Variants in IQCH observed in about 807,000 individuals in gnomAD.
IQCH encodes the protein IQ domain-containing protein H.
In IQCH, 98 loss-of-function variants were observed where a neutral mutation model predicts 117.0. The observed-to-expected ratio is 0.84, with a 90% CI of 0.71 to 0.99. IQCH has a LOEUF of 0.99. Ranked by LOEUF, IQCH falls within the 50% of genes least tolerant of loss-of-function variation. IQCH has a pLI of 0.00. For synonymous variants in IQCH, 412 were observed against 448.2 expected (o/e 0.92, Z 1.02); for missense variants, 1,102 against 1,243.8 (o/e 0.89, Z 1.72).
chr15:67,274,867 G>A (rs1214282068), intron 3 of IQCH, among the ~76,000 whole-genome samples: 1 of 151,824 alleles, frequency 6.6e-6, no homozygotes, highest in African/African-American at 2.4e-5. Context: ...TCTCCTTTTT[G>A]GCACTAGATG....
chr15:67,379,680 G>A (rs563240744), intron 10 of IQCH, among the ~76,000 whole-genome samples: 15 of 152,190 alleles, frequency 9.9e-5, no homozygotes, highest in Admixed American at 2.6e-4. Flanking sequence ...CACAAGAGCC[G>A]ACAGTTTTAA....
intron 4 of IQCH, among the ~76,000 whole-genome samples, chr15:67,286,843 C>T (rs987271061): frequency 6.6e-6 from 1 of 151,920 alleles, no homozygotes; most frequent in Non-Finnish European, 1.5e-5. Flanking sequence ...AAACTCCTGA[C>T]CTCAAATGAT....
At position 67,481,040 on chromosome 15, in the gene IQCH, A is replaced by AGGC. The variant is rs2083326216; in HGVS notation, c.2799+5222_2799+5223insGGC. Among the ~76,000 whole-genome samples the AGGC allele has an allele frequency of 6.6e-6, 1 of 152,182 alleles. No individual in the cohort carries two copies. The highest frequency in any genetic ancestry group is 2.4e-5 in the African/African-American group (1 of 41,446). On this transcript the variant is annotated intron_variant, in intron 18 of 20. Coordinates refer to ENST00000335894, the MANE Select transcript of IQCH (RefSeq NM_001031715.3). This position sits in a 1 kb window ranked among gnomAD's most constrained non-coding sequence, Gnocchi z 4.1. ...TCAAAAATGAGACTTTTAAAAATTG[A>AGGC]AGAGGCATTTATTTACACAACCAAA...
At position 67,388,718 on chromosome 15, in the gene IQCH, C is replaced by T. The variant is rs1032881617; in HGVS notation, c.1457-113C>T. The stretch of plus-strand genomic sequence containing the variant: ...AAAACCAAACTAAATTAACCTTAAC[C>T]TGGGTTTTGGATATGCTCTTTATTT... On this transcript the variant is annotated intron_variant, in intron 11 of 20. Transcript: ENST00000335894. The surrounding 1 kb of genome is among the most constrained non-coding windows in gnomAD (Gnocchi z 5.5). The T allele has an allele frequency of 5.6e-6, 5 of 889,510 alleles. No homozygotes were observed. The highest frequency in any genetic ancestry group is 1.7e-5 in the African/African-American group (1 of 59,696). The allele number at this position is 889,510 out of a possible 1,614,324, so 55.1% of individuals were successfully genotyped here.
intron 4 of IQCH, among the ~76,000 whole-genome samples, chr15:67,302,656 A>T (rs1375568236): frequency 6.6e-6 from 1 of 152,214 alleles, no homozygotes; most frequent in East Asian, 1.9e-4. Context: ...CAGGAGTTCG[A>T]GACCAGCCTG....
At position 67,425,352 on chromosome 15, in the gene IQCH, G is replaced by A. The variant is rs1192743922; in HGVS notation, c.2505+3775G>A. On this transcript the variant is annotated intron_variant, in intron 16 of 20. Transcript: ENST00000335894. The surrounding 1 kb of genome is among the most constrained non-coding windows in gnomAD (Gnocchi z 5.5). ...TTTCTGGCCAGGTGCGGTGGCTCAC[G>A]CCTGTAATCCCAGCACTTTGGGTGG... Among the ~76,000 whole-genome samples the A allele has an allele frequency of 2.0e-5, 3 of 152,098 alleles. 1 individual carries two copies. Among genetic ancestry groups the A allele is most frequent in the Admixed American group, 2.0e-4 (3 of 15,262 alleles).
chr15:67,266,256 G>A (rs920114911), intron 3 of IQCH, among the ~76,000 whole-genome samples: 1 of 152,006 alleles, frequency 6.6e-6, no homozygotes, highest in South Asian at 2.1e-4. Context: ...TGTATGAATA[G>A]CACAAACCTT....
intron 4 of IQCH, among the ~76,000 whole-genome samples, chr15:67,314,174 C>G (rs1326067118): frequency 6.6e-6 from 1 of 152,082 alleles, no homozygotes; most frequent in Non-Finnish European, 1.5e-5. Flanking sequence ...TACTTCTCAC[C>G]CCTCTCTCCA....
At chr15:67,451,653 C>A (rs1370316875) in intron 16 of IQCH, among the ~76,000 whole-genome samples, 3 of 152,078 alleles carry the variant, frequency 2.0e-5, no homozygotes, top group East Asian at 1.9e-4. Flanking sequence ...ACTGTGTGGT[C>A]AATTTTGGAG....
chr15:67,356,664 T>C lies in IQCH; in HGVS notation c.638-681T>C, dbSNP rs181110598. Among the ~76,000 whole-genome samples the C allele has an allele frequency of 1.3e-3, 202 of 152,338 alleles. No homozygotes were observed. Among genetic ancestry groups the C allele is most frequent in the Admixed American group, 2.4e-3 (37 of 15,294 alleles). The stretch of plus-strand genomic sequence containing the variant: ...TAAATAAATTTTTTGTTCTCTTTCT[T>C]GGGCTGAGTAGTATAAGGATTTTTC... On this transcript the variant is annotated intron_variant, in intron 6 of 20. Transcript: ENST00000335894. This position sits in a 1 kb window ranked among gnomAD's most constrained non-coding sequence, Gnocchi z 5.3.
chr15:67,484,984 T>C (rs1172225112), intron 18 of IQCH, among the ~76,000 whole-genome samples: 1 of 151,968 alleles, frequency 6.6e-6, no homozygotes, highest in African/African-American at 2.4e-5. Flanking sequence ...GTGATTCATA[T>C]ATTGGAGTTA....
At chr15:67,337,189 C>T (rs1327705552) in intron 5 of IQCH, 94 bp downstream of exon 5, 3 of 1,397,932 alleles carry the variant, frequency 2.1e-6, no homozygotes, top group Non-Finnish European at 3.0e-6. Flanking sequence ...TCTGGCTCAG[C>T]CACTAATTCT....
rs960416626 is a variant in IQCH at position 67,426,514 on chromosome 15, T to G, written c.2505+4937T>G. Reference sequence around the variant, plus strand: ...TGTATGCATGTATCAAAATAGCACATGTATGGCCAAAATATATATAACTAT... The same window carrying G: ...TGTATGCATGTATCAAAATAGCACAGGTATGGCCAAAATATATATAACTAT... On this transcript the variant is annotated intron_variant, in intron 16 of 20. Coordinates refer to ENST00000335894, the MANE Select transcript of IQCH (RefSeq NM_001031715.3). The surrounding 1 kb of genome is among the most constrained non-coding windows in gnomAD (Gnocchi z 5.1). 2.0e-5 allele frequency among the ~76,000 whole-genome samples: 3 copies of G among 151,732 alleles called. No homozygotes were observed. The highest frequency in any genetic ancestry group is 4.8e-5 in the African/African-American group (2 of 41,296).
intron 8 of IQCH, among the ~76,000 whole-genome samples, chr15:67,363,343 C>T (rs922353810): frequency 5.3e-5 from 8 of 149,858 alleles, no homozygotes; most frequent in African/African-American, 2.0e-4. Flanking sequence ...TCAAGCGATT[C>T]TCCTGCCTCA....
In IQCH at chr15:67,472,155, T is replaced by C. The variant is rs1281811997; in HGVS notation, c.2677-3541T>C. Among the ~76,000 whole-genome samples, 1 of 152,168 alleles carries C rather than the reference T, an allele frequency of 6.6e-6. No homozygotes were observed. Among genetic ancestry groups the C allele is most frequent in the Non-Finnish European group, 1.5e-5 (1 of 68,028 alleles). ...ACACTTTAATGAAAACACAGAACTT[T>C]ATCCTGCCTTAAAGACTAGAACAGT... On this transcript the variant is annotated intron_variant, in intron 17 of 20. Coordinates refer to ENST00000335894, the MANE Select transcript of IQCH (RefSeq NM_001031715.3). The surrounding 1 kb of genome is among the most constrained non-coding windows in gnomAD (Gnocchi z 4.3).
At chr15:67,259,351 A>G (rs576487494) in intron 1 of IQCH, among the ~76,000 whole-genome samples, 2 of 152,310 alleles carry the variant, frequency 1.3e-5, no homozygotes, top group East Asian at 1.9e-4. Context: ...ATTTTCATAC[A>G]TATTACCTCA....
chr15:67,368,252 G>A (rs1970403680), intron 8 of IQCH, among the ~76,000 whole-genome samples: 1 of 152,222 alleles, frequency 6.6e-6, no homozygotes, highest in South Asian at 2.1e-4. Context: ...TGACCTTCAA[G>A]TTCCCTTGTC....
chr15:67,257,182 T>C (rs1255130549), intron 1 of IQCH, among the ~76,000 whole-genome samples: 1 of 152,360 alleles, frequency 6.6e-6, no homozygotes. Flanking sequence ...GACCTCACTT[T>C]CCTCTTCCAT....
intron 4 of IQCH, among the ~76,000 whole-genome samples, chr15:67,289,611 G>A (rs1019215410): frequency 1.3e-5 from 2 of 152,142 alleles, no homozygotes; most frequent in Admixed American, 1.3e-4. Flanking sequence ...TTCATACAGT[G>A]TTGAATCTGA....
Sources: allele counts gnomAD v4.1 joint callset (sites outside exome capture counted in the v4.1 genomes callset), GRCh38; gene constraint gnomAD v4.1.1; non-coding constraint Gnocchi (gnomAD v3.1); transcripts MANE v1.5; gene names NCBI Gene and HGNC (gene_info 2026-07-23, HGNC 2026-07-21).